SLC4A10: variants seen among roughly 807,000 people sequenced by gnomAD.
SLC4A10 encodes the protein solute carrier family 4 member 10, also known as sodium-driven chloride bicarbonate exchanger.
In SLC4A10, 42 loss-of-function variants were observed where a neutral mutation model predicts 137.7. The ratio of observed to expected loss-of-function variants is 0.30; its 90% CI spans 0.24 to 0.39. The LOEUF (loss-of-function observed/expected upper bound fraction) is 0.39, where lower values mean the gene tolerates loss of function less well. Ranked by LOEUF, SLC4A10 falls within the 10% of genes least tolerant of loss-of-function variation. The pLI is 1.00. For missense variants in SLC4A10, 925 were observed against 1,355.0 expected, an observed-to-expected ratio of 0.68 and a Z score of 4.98; for synonymous variants, 474 against 464.1, an observed-to-expected ratio of 1.02 and a Z score of -0.27.
chr2:161,644,323 C>A lies in SLC4A10; in HGVS notation c.48+19757C>A, dbSNP rs550717993. Among the ~76,000 whole-genome samples the A allele has an allele frequency of 3.3e-5, 5 of 152,002 alleles. No homozygotes were observed. In the South Asian group the frequency reaches 1.0e-3, roughly 32 times the overall value. ...ACTAGCCTGGCAACACAGCGAGGAC[C>A]CATCTCTACCAAAAGTTAAAAAATT... On this transcript the variant is annotated intron_variant, in intron 1 of 26. Transcript: ENST00000446997.
rs1441463195 is a variant in SLC4A10 at position 161,984,816 on chromosome 2, CA to C, written c.*1665del. 1 of 151,982 alleles carries C rather than the reference CA, an allele frequency of 6.6e-6. No homozygotes were observed. Among genetic ancestry groups the C allele is most frequent in the Non-Finnish European group, 1.5e-5 (1 of 67,924 alleles). 9.4% of individuals were successfully genotyped at this position (151,982 alleles called of 1,614,324 possible). A position where few individuals can be genotyped will look rare whatever the true frequency, so the allele number is the denominator to read the frequency against. The stretch of plus-strand genomic sequence containing the variant: ...TGTTGCCTTTGTGTATTTTATAATA[CA>C]GATACTACATTGTAAACATTTCCAT... On this transcript the variant is annotated 3_prime_UTR_variant, in exon 27 of 27. Coordinates refer to ENST00000446997, the MANE Select transcript of SLC4A10 (RefSeq NM_001178015.2).
At chr2:161,727,192 C>T (rs2046324534) in intron 1 of SLC4A10, among the ~76,000 whole-genome samples, 1 of 152,160 alleles carries the variant, frequency 6.6e-6, no homozygotes, top group Non-Finnish European at 1.5e-5. Context: ...TCATCTTATT[C>T]CTAGAGCTGG....
At chr2:161,695,929 A>T (rs575661788) in intron 1 of SLC4A10, among the ~76,000 whole-genome samples, 158 of 152,086 alleles carry the variant, frequency 1.0e-3, no homozygotes, top group Non-Finnish European at 1.8e-3. Context: ...TTTTTTTATT[A>T]TACTTTAAGT....
chr2:161,848,079 G>C (rs1222518765), intron 4 of SLC4A10, among the ~76,000 whole-genome samples: 1 of 152,176 alleles, frequency 6.6e-6, no homozygotes, highest in Non-Finnish European at 1.5e-5. Flanking sequence ...TGACTGGTGT[G>C]TGATGGTAAC....
intron 11 of SLC4A10, among the ~76,000 whole-genome samples, chr2:161,897,600 A>T (rs1004880830): frequency 6.6e-6 from 1 of 152,138 alleles, no homozygotes; most frequent in Non-Finnish European, 1.5e-5. Flanking sequence ...AAATCATTTC[A>T]TAATTATTAA....
intron 1 of SLC4A10, among the ~76,000 whole-genome samples, chr2:161,728,583 A>C (rs1375779930): frequency 6.6e-6 from 1 of 152,192 alleles, no homozygotes; most frequent in African/African-American, 2.4e-5. Context: ...AAAGGAAAAA[A>C]AAAAATTCTA....
intron 24 of SLC4A10, among the ~76,000 whole-genome samples, chr2:161,975,214 T>C (rs1243219089): frequency 6.6e-6 from 1 of 152,216 alleles, no homozygotes; most frequent in African/African-American, 2.4e-5. Context: ...TTTTCTTTTT[T>C]ACAACATTTA....
intron 1 of SLC4A10, among the ~76,000 whole-genome samples, chr2:161,679,319 G>T (rs910078556): frequency 1.9e-4 from 29 of 152,008 alleles, no homozygotes; most frequent in Admixed American, 9.8e-4. Flanking sequence ...TTTGCTTAAG[G>T]AGCACAAAAT....
chr2:161,744,050 T>C (rs984808581), intron 1 of SLC4A10, among the ~76,000 whole-genome samples: 1 of 152,122 alleles, frequency 6.6e-6, no homozygotes, highest in Non-Finnish European at 1.5e-5. Flanking sequence ...TTTACTTTCT[T>C]TCCAAGTATA....
At chr2:161,905,963 A>T in intron 15 of SLC4A10, 76 bp downstream of exon 15, 1 of 1,493,286 alleles carries the variant, frequency 6.7e-7, no homozygotes, top group South Asian at 1.4e-5. Flanking sequence ...AAATATGAGG[A>T]AATTACTCAG....
At chr2:161,740,111 T>C (rs749759572) in intron 1 of SLC4A10, among the ~76,000 whole-genome samples, 5 of 152,184 alleles carry the variant, frequency 3.3e-5, no homozygotes, top group Non-Finnish European at 7.3e-5. Context: ...GAAAACAGCG[T>C]GCAGTTCAGC....
At chr2:161,881,413 C>G (rs1441667234) in intron 9 of SLC4A10, among the ~76,000 whole-genome samples, 2 of 151,948 alleles carry the variant, frequency 1.3e-5, no homozygotes, top group East Asian at 3.9e-4. Context: ...CACTGGCACA[C>G]ACAAAAAATA....
intron 1 of SLC4A10, among the ~76,000 whole-genome samples, chr2:161,639,994 A>G (rs1381336394): frequency 1.3e-5 from 2 of 152,194 alleles, no homozygotes; most frequent in African/African-American, 2.4e-5. Context: ...TATCTGAAAA[A>G]TAAATCAAGA....
Position 161,957,068 on chromosome 2 carries a change from T to C in SLC4A10, c.2621T>C (p.Phe874Ser). 1 of 1,612,690 alleles carries C rather than the reference T, an allele frequency of 6.2e-7. No homozygotes were observed. The highest frequency in any genetic ancestry group is 8.5e-7 in the Non-Finnish European group (1 of 1,179,584). The change falls in exon 20 of 27, where the codon TTT becomes TCT. Residue 874 changes from phenylalanine (F) to serine (S), a missense_variant. Physicochemically the swap from Phe to Ser is radical, Grantham distance 155. Around this residue, in one of 11 missense-constraint regions of SLC4A10, gnomAD observed 115 missense variants for 237.5 expected, o/e 0.48. Transcript: ENST00000446997. ...TGCTCCATCATGGGCCTGCCATGGT[T>C]TGTGGCTGCCACAGTCCTCTCCATC... is the stretch of plus-strand genomic sequence containing the variant. ...GVCSIMGLPW[F>S]VAATVLSITH...
intron 21 of SLC4A10, among the ~76,000 whole-genome samples, chr2:161,960,742 G>A (rs1367302112): frequency 2.7e-5 from 4 of 149,720 alleles, no homozygotes; most frequent in Admixed American, 6.6e-5. Flanking sequence ...AAAAAAAAAA[G>A]GGAGAAAGAG....
rs199634510 is a variant in SLC4A10, at chr2:161,904,794, T to G, written c.1636T>G (p.Phe546Val). Reference protein sequence around the residue: ...EGRISAIESLFGASMTGIAYS... With the variant: ...EGRISAIESLVGASMTGIAYS... ...TACACAGAGTGCAATTGAATCTCTC[T>G]TTGGAGCATCCATGACCGGGATAGC... is the stretch of plus-strand genomic sequence containing the variant. Residue 546 changes from phenylalanine (F) to valine (V), a missense_variant, in exon 14 of 27, where the codon TTT becomes GTT. This residue lies in a region of SLC4A10 where 61 missense variants were observed against 168.0 expected (regional missense o/e 0.36). Transcript: ENST00000446997. 522 of 1,613,898 alleles carry G rather than the reference T, an allele frequency of 3.2e-4. No homozygotes were observed. Among genetic ancestry groups the G allele is most frequent in the Non-Finnish European group, 4.3e-4 (508 of 1,179,876 alleles).
chr2:161,761,838 C>T (rs2050284020), intron 1 of SLC4A10, among the ~76,000 whole-genome samples: 1 of 152,066 alleles, frequency 6.6e-6, no homozygotes, highest in Admixed American at 6.6e-5. Context: ...TGACCCTGGG[C>T]TATTTCATTT....
At chr2:161,793,943 T>C (rs1357728538) in intron 2 of SLC4A10, among the ~76,000 whole-genome samples, 6 of 152,122 alleles carry the variant, frequency 3.9e-5, no homozygotes, top group Non-Finnish European at 8.8e-5. Flanking sequence ...AATTAGAAGA[T>C]AATATAGCAT....
intron 18 of SLC4A10, among the ~76,000 whole-genome samples, chr2:161,949,538 A>G (rs902952908): frequency 2.0e-5 from 3 of 152,072 alleles, no homozygotes; most frequent in Admixed American, 6.6e-5. Context: ...TTCTTAAAAG[A>G]TAAGGAAGCA....
Sources: gnomAD v4.1 joint callset for allele counts (sites outside exome capture counted in the v4.1 genomes callset) on GRCh38, gnomAD v4.1.1 for gene constraint, gnomAD v4.1.1 regional missense constraint, MANE v1.5 for transcripts, NCBI Gene and HGNC (gene_info 2026-07-23, HGNC 2026-07-21) for gene names.